Variants in TBC1D9B observed in about 807,000 individuals in gnomAD.
TBC1D9B encodes TBC1 domain family member 9B.
A neutral mutation model predicts 121.1 loss-of-function variants in TBC1D9B; 87 were observed. That is an observed-to-expected ratio of 0.72 (90% CI 0.60 to 0.86). The LOEUF is 0.86. Ranked by LOEUF, TBC1D9B falls within the 40% of genes least tolerant of loss-of-function variation. The pLI is 0.00. For missense variants in TBC1D9B, 1,540 were observed against 1,628.6 expected, an observed-to-expected ratio of 0.95 and a Z score of 0.94; for synonymous variants, 668 against 670.1, an observed-to-expected ratio of 1.00 and a Z score of 0.05.
intron 16 of TBC1D9B, 77 bp downstream of exon 16, chr5:179,870,178 G>C: frequency 1.3e-6 from 2 of 1,581,186 alleles, no homozygotes; most frequent in Middle Eastern, 1.7e-4. Context: ...GAACAGACAG[G>C]AGATGCTGGC....
Position 179,870,496 on chromosome 5 carries a change from C to T in TBC1D9B, c.2485-1G>A. On this transcript the variant is annotated splice_acceptor_variant, in intron 15 of 20. Coordinates refer to ENST00000355235, the MANE Select transcript of TBC1D9B (RefSeq NM_015043.4). LOFTEE classifies it high-confidence loss of function. ...AGTACTGGCTAGCCAGGTGCTTGGC[C>T]TGTGGGACACGGTCTGGTGAGACGG... is the stretch of plus-strand genomic sequence containing the variant. 1 of 1,605,756 alleles carries T rather than the reference C, an allele frequency of 6.2e-7. No individual in the cohort carries two copies. Among genetic ancestry groups the T allele is most frequent in the East Asian group, 2.2e-5 (1 of 44,804 alleles).
At chr5:179,888,342 T>C in intron 6 of TBC1D9B, 30 bp from the exon 7 acceptor site, 1 of 1,608,446 alleles carries the variant, frequency 6.2e-7, no homozygotes, top group Non-Finnish European at 8.5e-7. Context: ...CTTTTGGGTG[T>C]CTGCATCTCA....
In TBC1D9B at chr5:179,865,949, C is replaced by A; in HGVS notation, c.2864-61G>T. 6.3e-7 allele frequency: 1 copy of A among 1,596,388 alleles called. No individual in the cohort carries two copies. The highest frequency in any genetic ancestry group is 1.1e-5 in the South Asian group (1 of 90,678). On this transcript the variant is annotated intron_variant, in intron 18 of 20. Transcript: ENST00000355235. The surrounding 1 kb of genome is among the most constrained non-coding windows in gnomAD (Gnocchi z 5.1). The stretch of plus-strand genomic sequence containing the variant: ...CATTCTGCTGTTGGGACTGCAAGCT[C>A]CTGGGGTCCTTGAGATGTAGTCTGT...
Position 179,891,023 on chromosome 5 carries a change from C to T in TBC1D9B, c.1044+356G>A, listed in dbSNP as rs1333724525. Among the ~76,000 whole-genome samples the T allele has an allele frequency of 1.3e-5, 2 of 152,216 alleles. No individual in the cohort carries two copies. Among genetic ancestry groups the T allele is most frequent in the Admixed American group, 6.5e-5 (1 of 15,290 alleles). On this transcript the variant is annotated intron_variant, in intron 6 of 20. Transcript: ENST00000355235. This position sits in a 1 kb window ranked among gnomAD's most constrained non-coding sequence, Gnocchi z 4.3. Reference sequence around the variant, plus strand: ...GACATATGGGACCGGTGCAGGAACACGGTCCTCTAAGCGCAGCCACGGAGC... The same window carrying T: ...GACATATGGGACCGGTGCAGGAACATGGTCCTCTAAGCGCAGCCACGGAGC...
At chr5:179,889,452 CAGA>C (rs1434216301) in intron 6 of TBC1D9B, among the ~76,000 whole-genome samples, 1 of 148,970 alleles carries the variant, frequency 6.7e-6, no homozygotes, top group Non-Finnish European at 1.5e-5. Context: ...GAGAGGCGCA[CAGA>C]AGGTCTCACA....
At chr5:179,889,963 C>T (rs1223556277) in intron 6 of TBC1D9B, among the ~76,000 whole-genome samples, 4 of 151,118 alleles carry the variant, frequency 2.6e-5, no homozygotes, top group Admixed American at 6.6e-5. Context: ...AGGTGGTGTC[C>T]GTGGAGAGGA....
At position 179,879,136 on chromosome 5, in the gene TBC1D9B, A is replaced by G; in HGVS notation, c.1478T>C (p.Val493Ala). 6.2e-7 allele frequency: 1 copy of G among 1,607,564 alleles called. No individual in the cohort carries two copies. The highest frequency in any genetic ancestry group is 8.5e-7 in the Non-Finnish European group (1 of 1,179,782). ...CGTCTTGGCTGTGCGGTACATGCAC[A>G]CGCCACGCCCGTACTCGAAGAAGTG... ...HIHFFEYGRG[V>A]CMYRTAKTRA... The change falls in exon 9 of 21, where the codon GTG becomes GCG. Residue 493 changes from valine to alanine, a missense_variant. Coordinates refer to ENST00000355235, the MANE Select transcript of TBC1D9B (RefSeq NM_015043.4).
intron 1 of TBC1D9B, among the ~76,000 whole-genome samples, chr5:179,906,261 C>G (rs1338078338): frequency 6.6e-6 from 1 of 152,162 alleles, no homozygotes; most frequent in Non-Finnish European, 1.5e-5. Context: ...GCAGGACACA[C>G]CAAACCTAGC....
chr5:179,867,468 A>T (rs150112354), intron 18 of TBC1D9B: 3 of 1,559,252 alleles, frequency 1.9e-6, no homozygotes, highest in Middle Eastern at 1.7e-4. Flanking sequence ...GGGCAGGAAA[A>T]GATCCAGATC....
At position 179,890,909 on chromosome 5, in the gene TBC1D9B, G is replaced by A. The variant is rs551241687; in HGVS notation, c.1044+470C>T. On this transcript the variant is annotated intron_variant, in intron 6 of 20. Coordinates refer to ENST00000355235, the MANE Select transcript of TBC1D9B (RefSeq NM_015043.4). The surrounding 1 kb of genome is among the most constrained non-coding windows in gnomAD (Gnocchi z 5.0). ...AGGGGAGAGCCGACGCCGCCCCACA[G>A]GGGAGAGCCGACCTCTGATGGCCTG... 6.6e-6 allele frequency among the ~76,000 whole-genome samples: 1 copy of A among 152,354 alleles called. No homozygotes were observed. The highest frequency in any genetic ancestry group is 2.4e-5 in the African/African-American group (1 of 41,586).
In TBC1D9B at chr5:179,865,209, C is replaced by G. The variant is rs758689481; in HGVS notation, c.3021+45G>C. On this transcript the variant is annotated intron_variant, in intron 20 of 20. Transcript: ENST00000355235. The surrounding 1 kb of genome is among the most constrained non-coding windows in gnomAD (Gnocchi z 5.1). ...GGTGATGTTAGGGCCCAGTCTTGGT[C>G]AGAACTCTCCAGAAATGTCTACTGT... is the stretch of plus-strand genomic sequence containing the variant. 3.8e-6 allele frequency: 6 copies of G among 1,591,814 alleles called. No homozygotes were observed. The highest frequency in any genetic ancestry group is 5.2e-6 in the Non-Finnish European group (6 of 1,159,914).
intron 5 of TBC1D9B, 103 bp downstream of exon 5, chr5:179,893,106 T>A (rs917855909): frequency 2.0e-6 from 3 of 1,473,768 alleles, no homozygotes; most frequent in Non-Finnish European, 2.7e-6. Context: ...GGGGTGAATG[T>A]GGACACCTTC....
intron 6 of TBC1D9B, among the ~76,000 whole-genome samples, chr5:179,888,799 G>T (rs1760771372): frequency 6.6e-6 from 1 of 152,172 alleles, no homozygotes; most frequent in Admixed American, 6.5e-5. Context: ...ACGGACGAGG[G>T]ATGCACCAGC....
At chr5:179,869,686 A>G (rs1428242938) in intron 17 of TBC1D9B, 83 bp downstream of exon 17, 1 of 1,483,266 alleles carries the variant, frequency 6.7e-7, no homozygotes, top group South Asian at 1.2e-5. Flanking sequence ...GAGGCCCCAC[A>G]GTCTCACAGA....
chr5:179,904,233 T>C lies in TBC1D9B; in HGVS notation c.229+469A>G, dbSNP rs1024426394. ...CAGTGGAGCTGCCTTTTTTTTTTTTTTTTTTTTTTGAGACGGAATCTCGCT... is the reference window on the plus strand; with the variant it reads ...CAGTGGAGCTGCCTTTTTTTTTTTTCTTTTTTTTTGAGACGGAATCTCGCT... On this transcript the variant is annotated intron_variant, in intron 2 of 20. Transcript: ENST00000355235. This position sits in a 1 kb window ranked among gnomAD's most constrained non-coding sequence, Gnocchi z 4.2. 3.4e-5 allele frequency among the ~76,000 whole-genome samples: 5 copies of C among 146,442 alleles called. 1 individual carries two copies. Among genetic ancestry groups the C allele is most frequent in the African/African-American group, 1.0e-4 (4 of 38,864 alleles).
chr5:179,873,047 C>T, intron 13 of TBC1D9B, 57 bp from the exon 14 acceptor site: 2 of 1,613,470 alleles, frequency 1.2e-6, no homozygotes, highest in Non-Finnish European at 1.7e-6. Context: ...AGGGCCACCA[C>T]CTGCCCATAG....
chr5:179,870,169 A>T, intron 16 of TBC1D9B, 86 bp downstream of exon 16: 1 of 1,566,210 alleles, frequency 6.4e-7, no homozygotes, highest in Non-Finnish European at 8.7e-7. Context: ...CTGCAGGGGG[A>T]ACAGACAGGA....
intron 3 of TBC1D9B, among the ~76,000 whole-genome samples, chr5:179,896,454 G>A (rs1251232628): frequency 6.6e-6 from 1 of 152,178 alleles, no homozygotes; most frequent in East Asian, 1.9e-4. Flanking sequence ...AAGCCACTAA[G>A]TTGATGGTAA....
intron 2 of TBC1D9B, among the ~76,000 whole-genome samples, chr5:179,899,804 G>C (rs1761118643): frequency 1.3e-5 from 2 of 152,176 alleles, no homozygotes; most frequent in South Asian, 4.1e-4. Flanking sequence ...TGGCCAGCGA[G>C]GCTCCTGCTG....
Sources: allele counts gnomAD v4.1 joint callset (sites outside exome capture counted in the v4.1 genomes callset), GRCh38; gene constraint gnomAD v4.1.1; non-coding constraint Gnocchi (gnomAD v3.1); transcripts MANE v1.5; gene names NCBI Gene and HGNC (gene_info 2026-07-23, HGNC 2026-07-21).